The following SPINT1 variants were observed in gnomAD, a reference collection of about 807,000 sequenced individuals.
SPINT1 encodes serine peptidase inhibitor, Kunitz type 1, also known as kunitz-type protease inhibitor 1.
In SPINT1, 38 loss-of-function variants were observed where a neutral mutation model predicts 53.7. That is an observed-to-expected ratio of 0.71 (90% CI 0.55 to 0.93). The LOEUF is 0.93. Among genes scored for constraint, SPINT1 ranks in the 40% least tolerant of loss-of-function variants. The pLI, the probability that SPINT1 is intolerant of heterozygous loss-of-function variation, is 0.00. For synonymous variants in SPINT1, 283 were observed against 280.6 expected (o/e 1.01, Z -0.08); for missense variants, 645 against 692.9 (o/e 0.93, Z 0.78).
Position 40,853,884 on chromosome 15 carries a change from G to A in SPINT1, c.913+3G>A, listed in dbSNP as rs146565021. On this transcript the variant is annotated splice_donor_region_variant and intron_variant, in intron 5 of 10. Transcript: ENST00000562057. Reference sequence around the variant, plus strand: ...TCTAGCCTGTCGGGGTGTGCAAGGTGGGCCTTTGAGAGGCAGCTCTGGGGC... The same window carrying A: ...TCTAGCCTGTCGGGGTGTGCAAGGTAGGCCTTTGAGAGGCAGCTCTGGGGC... The A allele has an allele frequency of 1.3e-5, 21 of 1,614,168 alleles. 1 individual carries two copies. The African/African-American group carries it at 2.7e-4, about 20-fold the overall frequency.
chr15:40,848,508 G>C (rs141448135), intron 2 of SPINT1, among the ~76,000 whole-genome samples: 6 of 152,252 alleles, frequency 3.9e-5, no homozygotes, highest in Admixed American at 3.3e-4. Flanking sequence ...GGAAACAATC[G>C]CATTGTCTGT....
intron 2 of SPINT1, 115 bp from the exon 3 acceptor site, chr15:40,853,009 G>A: frequency 1.5e-6 from 2 of 1,358,716 alleles, no homozygotes; most frequent in Non-Finnish European, 2.0e-6. Context: ...TGCAGGCTGT[G>A]GAGTCCCAGT....
chr15:40,848,532 A>C (rs1315543802), intron 2 of SPINT1, among the ~76,000 whole-genome samples: 1 of 152,206 alleles, frequency 6.6e-6, no homozygotes, highest in Non-Finnish European at 1.5e-5. Flanking sequence ...CACATCCTAT[A>C]ATTGAATACT....
chr15:40,844,627 C>T lies in SPINT1; in HGVS notation c.73C>T (p.Leu25=). 6.2e-7 allele frequency: 1 copy of T among 1,608,314 alleles called. No individual in the cohort carries two copies. Among genetic ancestry groups the T allele is most frequent in the Non-Finnish European group, 8.5e-7 (1 of 1,177,978 alleles). ...AGIPAVALWL[L]CTLGLQGTQA... ...CATCCCTGCCGTCGCCTTGTGGCTT[C>T]TGTGCACGCTCGGCCTCCAGGGCAC... The change falls in exon 2 of 11, where the codon CTG becomes TTG. Residue 25 remains leucine, a synonymous_variant. Transcript: ENST00000562057. This position sits in a 1 kb window ranked among gnomAD's most constrained non-coding sequence, Gnocchi z 5.8.
chr15:40,856,728 G>A, intron 10 of SPINT1, 42 bp from the exon 11 acceptor site: 1 of 1,611,088 alleles, frequency 6.2e-7, no homozygotes, highest in Non-Finnish European at 8.5e-7. Context: ...TCAGAACCAG[G>A]CAGGCCCTGG....
chr15:40,856,046 T>C lies in SPINT1; in HGVS notation c.1272T>C (p.Ser424=), dbSNP rs754820636. The part of the protein sequence containing the change: ...NFEEEQQCLE[S]CRGISKKDVF... The stretch of plus-strand genomic sequence containing the variant: ...AGGAAGAGCAGCAGTGCCTCGAGTC[T>C]TGTCGCGGCATCTCCAGTGAGTGGG... Residue 424 remains serine, a synonymous_variant, in exon 9 of 11, where the codon TCT becomes TCC. Transcript: ENST00000562057. 1.2e-6 allele frequency: 2 copies of C among 1,614,094 alleles called. No individual in the cohort carries two copies. The highest frequency in any genetic ancestry group is 8.5e-7 in the Non-Finnish European group (1 of 1,180,016).
intron 8 of SPINT1, among the ~76,000 whole-genome samples, chr15:40,855,536 G>A (rs922257479): frequency 2.8e-4 from 43 of 152,090 alleles, no homozygotes; most frequent in African/African-American, 9.9e-4. Flanking sequence ...TGGGAGGATC[G>A]CTTGGCCTAG....
In SPINT1 at chr15:40,857,062, C is replaced by G. The variant is rs1157987461; in HGVS notation, c.*87C>G. The G allele has an allele frequency of 6.5e-7, 1 of 1,527,354 alleles. No individual in the cohort carries two copies. Among genetic ancestry groups the G allele is most frequent in the African/African-American group, 1.4e-5 (1 of 72,796 alleles). 94.6% of individuals were successfully genotyped at this position (1,527,354 alleles called of 1,614,324 possible). The stretch of plus-strand genomic sequence containing the variant: ...CTGGGAAAAACTTTGGAACCAGACT[C>G]TTGCCTGTTTCCCAGGCCCACTGTG... On this transcript the variant is annotated 3_prime_UTR_variant, in exon 11 of 11. Transcript: ENST00000562057.
chr15:40,850,175 C>A (rs1396648084), intron 2 of SPINT1, among the ~76,000 whole-genome samples: 1 of 152,186 alleles, frequency 6.6e-6, no homozygotes, highest in African/African-American at 2.4e-5. Flanking sequence ...TGAGTTCAAG[C>A]AATTCTCCTG....
intron 2 of SPINT1, among the ~76,000 whole-genome samples, 165 bp from the exon 3 acceptor site, chr15:40,852,959 C>T (rs1891506974): frequency 1.3e-5 from 2 of 152,026 alleles, no homozygotes; most frequent in Non-Finnish European, 2.9e-5. Flanking sequence ...GAATAGAGAT[C>T]AAGAAGCTGG....
intron 10 of SPINT1, 120 bp downstream of exon 10, chr15:40,856,443 CAG>C: frequency 3.1e-6 from 4 of 1,281,744 alleles, no homozygotes; most frequent in East Asian, 2.4e-5. Context: ...CCTATAGAGA[CAG>C]AGTACCGTAA....
At chr15:40,849,187 A>G (rs1387916876) in intron 2 of SPINT1, among the ~76,000 whole-genome samples, 1 of 151,706 alleles carries the variant, frequency 6.6e-6, no homozygotes, top group Non-Finnish European at 1.5e-5. Context: ...CGGAGCTTGC[A>G]GTGAGCCAAG....
At chr15:40,856,231 C>T (rs758081110) in intron 9 of SPINT1, 45 bp from the exon 10 acceptor site, 1 of 1,612,890 alleles carries the variant, frequency 6.2e-7, no homozygotes, top group Non-Finnish European at 8.5e-7. Context: ...AGCTGAGTCT[C>T]TGAGCCCTCA....
chr15:40,849,534 A>C (rs1243695336), intron 2 of SPINT1, among the ~76,000 whole-genome samples: 1 of 152,202 alleles, frequency 6.6e-6, no homozygotes, highest in Non-Finnish European at 1.5e-5. Flanking sequence ...GAGCCACCAC[A>C]CCCAGCCACC....
chr15:40,851,485 C>A (rs571268875), intron 2 of SPINT1, among the ~76,000 whole-genome samples: 194 of 152,266 alleles, frequency 1.3e-3, no homozygotes, highest in African/African-American at 4.4e-3. Flanking sequence ...CCTACATTCT[C>A]CCAACAACCA....
At chr15:40,852,266 T>C (rs1278173108) in intron 2 of SPINT1, among the ~76,000 whole-genome samples, 1 of 152,242 alleles carries the variant, frequency 6.6e-6, no homozygotes. Flanking sequence ...CTGTTTCTTA[T>C]AAAGATACTT....
intron 2 of SPINT1, among the ~76,000 whole-genome samples, chr15:40,847,160 T>C (rs113979041): frequency 5.9e-5 from 9 of 152,224 alleles, no homozygotes; most frequent in South Asian, 2.1e-4. Context: ...TCCTGGGACA[T>C]TGAGGGAGGC....
At chr15:40,846,871 T>C (rs1196581850) in intron 2 of SPINT1, among the ~76,000 whole-genome samples, 1 of 152,214 alleles carries the variant, frequency 6.6e-6, no homozygotes, top group Non-Finnish European at 1.5e-5. Flanking sequence ...AGGGCCAGTC[T>C]GGGCCACCAA....
At chr15:40,856,618 G>C (rs1034519115) in intron 10 of SPINT1, 152 bp from the exon 11 acceptor site, 12 of 1,438,662 alleles carry the variant, frequency 8.3e-6, no homozygotes, top group Non-Finnish European at 1.1e-5. Flanking sequence ...GGACAGAGCT[G>C]TTCAGCTGTT....
Sources: gnomAD v4.1 joint callset for allele counts (sites outside exome capture counted in the v4.1 genomes callset) on GRCh38, gnomAD v4.1.1 for gene constraint, Gnocchi (gnomAD v3.1) non-coding constraint, MANE v1.5 for transcripts, NCBI Gene and HGNC (gene_info 2026-07-23, HGNC 2026-07-21) for gene names.